Variants in RICTOR observed in about 807,000 individuals in gnomAD.
RICTOR encodes the protein RPTOR independent companion of MTOR complex 2, also known as rapamycin-insensitive companion of mTOR.
In RICTOR, 49 loss-of-function variants were observed where a neutral mutation model predicts 214.9. The ratio of observed to expected loss-of-function variants is 0.23; its 90% confidence interval spans 0.18 to 0.29. The LOEUF (loss-of-function observed/expected upper bound fraction) is 0.29. Among genes scored for constraint, RICTOR ranks in the 10% least tolerant of loss-of-function variants. The pLI is 1.00. For synonymous variants in RICTOR, 717 were observed against 711.3 expected (o/e 1.01, Z -0.13); for missense variants, 1,625 against 2,047.0 (o/e 0.79, Z 3.98).
At chr5:38,945,390 G>T in intron 34 of RICTOR, 101 bp downstream of exon 34, 2 of 761,870 alleles carry the variant, frequency 2.6e-6, no homozygotes, top group South Asian at 1.8e-5. Flanking sequence ...CTCACCAGCT[G>T]GGAAACTCTG....
intron 11 of RICTOR, chr5:38,970,910 T>C (rs1750724475): frequency 6.6e-6 from 1 of 152,232 alleles, no homozygotes. Context: ...TTAAACGTAG[T>C]CTGTAGTGCT....
chr5:38,962,918 C>A lies in RICTOR; in HGVS notation c.1524G>T (p.Arg508=). The change falls in exon 17 of 38, where the codon CGG becomes CGT. Residue 508 remains arginine, a synonymous_variant. Coordinates refer to ENST00000357387, the MANE Select transcript of RICTOR (RefSeq NM_152756.5). ...CTTTCTGAACTCGGAGATACTGATC[C>A]CGTTTCTGGTGTGTTGCAATTGCTT... ...IQKAIATHQK[R]DQYLRVQKDI... is the part of the protein sequence containing the mutation. 6.2e-7 allele frequency: 1 copy of A among 1,612,854 alleles called. No homozygotes were observed. The highest frequency in any genetic ancestry group is 8.5e-7 in the Non-Finnish European group (1 of 1,179,082).
rs748125650 is a variant in RICTOR, at chr5:38,945,611, C to T, written c.4513G>A (p.Glu1505Lys). 6.2e-7 allele frequency: 1 copy of T among 1,613,032 alleles called. No individual in the cohort carries two copies. The highest frequency in any genetic ancestry group is 8.5e-7 in the Non-Finnish European group (1 of 1,178,980). The change falls in exon 34 of 38, where the codon GAA becomes AAA. Residue 1505 changes from glutamate (E) to lysine (K), a missense_variant. Transcript: ENST00000357387. ...SIHSDASLFL[E>K]STEDTGLQEH... Reference sequence around the variant, plus strand: ...TGTAGTCCAGTGTCTTCTGTACTTTCTAAAAACAGAGAGGCATCTGAATGG... The same window carrying T: ...TGTAGTCCAGTGTCTTCTGTACTTTTTAAAAACAGAGAGGCATCTGAATGG...
intron 3 of RICTOR, among the ~76,000 whole-genome samples, chr5:39,017,866 G>C (rs1382490287): frequency 6.6e-6 from 1 of 152,058 alleles, no homozygotes. Context: ...ATTTACTTGA[G>C]ACTCTTTATT....
In RICTOR at chr5:38,952,328, G is replaced by A. The variant is rs2112869273; in HGVS notation, c.2995C>T (p.His999Tyr). ...TCATCTGGAACCACTGGCCACAGAT[G>A]TTTGCGACTATGCCTCACAGCATCC... Reference protein sequence around the residue: ...NWDAVRHSRKHLWPVVPDDVE... With the variant: ...NWDAVRHSRKYLWPVVPDDVE... Residue 999 changes from histidine (H) to tyrosine (Y), a missense_variant, in exon 30 of 38, where the codon CAT becomes TAT. By Grantham distance (83) the His-to-Tyr change is moderately conservative (BLOSUM62 2). Coordinates refer to ENST00000357387, the MANE Select transcript of RICTOR (RefSeq NM_152756.5). 1 of 1,612,950 alleles carries A rather than the reference G, an allele frequency of 6.2e-7. No individual in the cohort carries two copies. Among genetic ancestry groups the A allele is most frequent in the Non-Finnish European group, 8.5e-7 (1 of 1,179,222 alleles).
intron 10 of RICTOR, among the ~76,000 whole-genome samples, chr5:38,974,627 G>GT (rs1013578253): frequency 6.6e-6 from 1 of 152,206 alleles, no homozygotes; most frequent in African/African-American, 2.4e-5. Flanking sequence ...TTTAAAAAAA[G>GT]TATGTATGAC....
At chr5:38,974,622 A>T (rs1751056472) in intron 10 of RICTOR, among the ~76,000 whole-genome samples, 1 of 152,196 alleles carries the variant, frequency 6.6e-6, no homozygotes. Flanking sequence ...AAGTATTTAA[A>T]AAAAGTATGT....
rs1337661530 is a variant in RICTOR, at chr5:38,938,392, A to G, written c.*3912T>C. ...TATTTTTGTAACAATTACCTATAAA[A>G]TTTTTTTCACTCCCCCTCTCTGCCC... On this transcript the variant is annotated 3_prime_UTR_variant, in exon 38 of 38. Transcript: ENST00000357387. 1 of 230,442 alleles carries G rather than the reference A, an allele frequency of 4.3e-6. No homozygotes were observed. The highest frequency in any genetic ancestry group is 2.2e-5 in the African/African-American group (1 of 45,118). The allele number at this position is 230,442 out of a possible 1,614,324, so 14.3% of individuals were successfully genotyped here. A position where few individuals can be genotyped will look rare whatever the true frequency, so the allele number is the denominator to read the frequency against.
chr5:39,041,562 A>G (rs1158868657), intron 2 of RICTOR, among the ~76,000 whole-genome samples: 1 of 152,136 alleles, frequency 6.6e-6, no homozygotes, highest in Non-Finnish European at 1.5e-5. Flanking sequence ...AAATTTTCTG[A>G]GCAGAAAACT....
chr5:38,993,256 CT>C (rs1400685032), intron 6 of RICTOR, among the ~76,000 whole-genome samples: 12 of 152,184 alleles, frequency 7.9e-5, no homozygotes, highest in African/African-American at 2.9e-4. Flanking sequence ...GCCAATGAAT[CT>C]CTTTCAAATG....
At chr5:39,012,526 G>A (rs1013312180) in intron 3 of RICTOR, among the ~76,000 whole-genome samples, 2 of 152,108 alleles carry the variant, frequency 1.3e-5, no homozygotes, top group South Asian at 2.1e-4. Flanking sequence ...GACATCCTGC[G>A]AAGCCTCTAC....
intron 34 of RICTOR, 23 bp from the exon 35 acceptor site, chr5:38,945,091 C>A: frequency 6.5e-7 from 1 of 1,535,694 alleles, no homozygotes; most frequent in Non-Finnish European, 8.9e-7. Flanking sequence ...ATAATTATTT[C>A]AATTAAAGCA....
chr5:38,980,953 T>G (rs1226700054), intron 8 of RICTOR: 1 of 152,142 alleles, frequency 6.6e-6, no homozygotes, highest in Non-Finnish European at 1.5e-5. Flanking sequence ...AAATTAAAGC[T>G]AAACATATTA....
At chr5:39,038,471 G>T (rs1437463286) in intron 2 of RICTOR, among the ~76,000 whole-genome samples, 2 of 152,154 alleles carry the variant, frequency 1.3e-5, no homozygotes, top group African/African-American at 4.8e-5. Flanking sequence ...TCTGGCCAGG[G>T]CAATCAGGCA....
intron 3 of RICTOR, among the ~76,000 whole-genome samples, chr5:39,005,132 A>G (rs1753953182): frequency 6.6e-6 from 1 of 152,118 alleles, no homozygotes; most frequent in African/African-American, 2.4e-5. Flanking sequence ...GTTTCCAGCA[A>G]TCTTATTACA....
Position 38,949,721 on chromosome 5 carries a change from G to A in RICTOR, c.4127C>T (p.Thr1376Ile), listed in dbSNP as rs773075813. ...ACATATATTTGCTTACCTGCTTGGTGTTAATCTGGACTCAAAACTGTTGGC... is the reference window on the plus strand; with the variant it reads ...ACATATATTTGCTTACCTGCTTGGTATTAATCTGGACTCAAAACTGTTGGC... ...MKANSFESRL[T>I]PSRFMKALSY... The change falls in exon 31 of 38, where the codon ACA (threonine) becomes ATA (isoleucine). Residue 1376 changes from threonine to isoleucine, a missense_variant. Physicochemically the swap from Thr to Ile is moderately conservative, Grantham distance 89. Coordinates refer to ENST00000357387, the MANE Select transcript of RICTOR (RefSeq NM_152756.5). 1 of 1,612,406 alleles carries A rather than the reference G, an allele frequency of 6.2e-7. No homozygotes were observed. Among genetic ancestry groups the A allele is most frequent in the South Asian group, 1.1e-5 (1 of 91,010 alleles).
At chr5:39,042,054 T>G (rs542675931) in intron 2 of RICTOR, among the ~76,000 whole-genome samples, 1 of 151,808 alleles carries the variant, frequency 6.6e-6, no homozygotes, top group Non-Finnish European at 1.5e-5. Flanking sequence ...TAGATTACCA[T>G]AGAAATACCA....
chr5:39,063,331 A>AGG, intron 2 of RICTOR, among the ~76,000 whole-genome samples: 1 of 152,162 alleles, frequency 6.6e-6, no homozygotes, highest in Admixed American at 6.5e-5. Flanking sequence ...ATCATTCTTC[A>AGG]ATAGTTAAGG....
Position 38,990,746 on chromosome 5 carries a change from A to ATATATATCAGATAT in RICTOR, c.583+202_583+203insATATCTGATATATA, listed in dbSNP as rs1164554083. ...ATATATCATATATATGATATATATG[A>ATATATATCAGATAT]GATATATGATATATATGAGATATAT... is the stretch of plus-strand genomic sequence containing the variant. On this transcript the variant is annotated intron_variant, in intron 7 of 37. Coordinates refer to ENST00000357387, the MANE Select transcript of RICTOR (RefSeq NM_152756.5). 1.7e-3 allele frequency among the ~76,000 whole-genome samples: 196 copies of ATATATATCAGATAT among 113,550 alleles called. 22 individuals carry two copies. Among genetic ancestry groups the ATATATATCAGATAT allele is most frequent in the African/African-American group, 6.0e-3 (189 of 31,708 alleles). 74.5% of individuals were successfully genotyped at this position (113,550 alleles called of 152,430 possible).
Sources: gnomAD v4.1 joint callset for allele counts (sites outside exome capture counted in the v4.1 genomes callset) on GRCh38, gnomAD v4.1.1 for gene constraint, MANE v1.5 for transcripts, NCBI Gene and HGNC (gene_info 2026-07-23, HGNC 2026-07-21) for gene names.